Variants in SUGCT observed in about 807,000 individuals in gnomAD.
SUGCT encodes the protein succinyl-CoA:glutarate CoA-transferase.
A neutral mutation model predicts 55.0 loss-of-function variants in SUGCT; 41 were observed. The ratio of observed to expected loss-of-function variants is 0.74; its 90% CI spans 0.58 to 0.97. The LOEUF (loss-of-function observed/expected upper bound fraction) is 0.97. Ranked by LOEUF, SUGCT falls within the 50% of genes least tolerant of loss-of-function variation. SUGCT has a pLI of 0.00. For missense variants in SUGCT, 568 were observed against 547.8 expected (o/e 1.04, Z -0.37); for synonymous variants, 187 against 200.4 (o/e 0.93, Z 0.56).
chr7:40,423,355 G>C (rs13245561), intron 9 of SUGCT, among the ~76,000 whole-genome samples: 14,895 of 152,120 alleles, frequency 0.098, 896 homozygotes, highest in Non-Finnish European at 0.15. Context: ...ATGTCAAACT[G>C]TCTGAAATCA....
the SUGCT span, among the ~76,000 whole-genome samples, chr7:41,014,741 T>C: frequency 6.6e-6 from 1 of 152,242 alleles, no homozygotes; most frequent in East Asian, 1.9e-4. Context: ...CAACATAAGA[T>C]CCCTAAGAAA....
chr7:40,843,932 C>G (rs1793418234), intron 13 of SUGCT, among the ~76,000 whole-genome samples: 1 of 152,052 alleles, frequency 6.6e-6, no homozygotes, highest in Non-Finnish European at 1.5e-5. Flanking sequence ...TTCCCTTGAC[C>G]TCTTTGCAAG....
At chr7:40,555,254 G>A (rs1583972627) in intron 12 of SUGCT, among the ~76,000 whole-genome samples, 1 of 151,432 alleles carries the variant, frequency 6.6e-6, no homozygotes, top group African/African-American at 2.4e-5. Context: ...GTCAGCTCTC[G>A]ATGGTCCAGG....
chr7:40,499,187 A>G lies in SUGCT; in HGVS notation c.1089+2801A>G, dbSNP rs1259987618. Reference sequence around the variant, plus strand: ...TTCAACTGGAAATTGCTTTGGGTGAAGTACAAGGCCTGGAACATGGCGTAG... The same window carrying G: ...TTCAACTGGAAATTGCTTTGGGTGAGGTACAAGGCCTGGAACATGGCGTAG... On this transcript the variant is annotated intron_variant, in intron 12 of 13. Coordinates refer to ENST00000335693, the MANE Select transcript of SUGCT (RefSeq NM_001193313.2). 2.4e-5 allele frequency: 11 copies of G among 453,780 alleles called. No individual in the cohort carries two copies. The Admixed American group carries it at 2.6e-4, about 11-fold the overall frequency. 28.1% of individuals were successfully genotyped at this position (453,780 alleles called of 1,614,324 possible).
At chr7:40,525,725 G>A (rs998398968) in intron 12 of SUGCT, among the ~76,000 whole-genome samples, 1 of 152,056 alleles carries the variant, frequency 6.6e-6, no homozygotes, top group Admixed American at 6.5e-5. Flanking sequence ...CTAAATAAAG[G>A]GATCAAAAAG....
intron 9 of SUGCT, among the ~76,000 whole-genome samples, chr7:40,389,496 T>A (rs969545309): frequency 2.9e-5 from 4 of 139,470 alleles, no homozygotes; most frequent in African/African-American, 5.4e-5. Flanking sequence ...TTACCGAACA[T>A]ATACCTTACT....
At chr7:40,762,187 A>C (rs1446433749) in intron 13 of SUGCT, among the ~76,000 whole-genome samples, 1 of 152,252 alleles carries the variant, frequency 6.6e-6, no homozygotes, top group East Asian at 1.9e-4. Flanking sequence ...CTATCCTGGG[A>C]TCTAAAGAAA....
At chr7:40,354,227 T>C (rs1797778314) in intron 9 of SUGCT, among the ~76,000 whole-genome samples, 1 of 152,010 alleles carries the variant, frequency 6.6e-6, no homozygotes, top group Non-Finnish European at 1.5e-5. Flanking sequence ...GTGAGGTGGA[T>C]TTATTGGTTG....
At chr7:40,181,708 T>C (rs1785220597) in intron 2 of SUGCT, among the ~76,000 whole-genome samples, 1 of 148,926 alleles carries the variant, frequency 6.7e-6, no homozygotes, top group Non-Finnish European at 1.5e-5. Flanking sequence ...ATAGTGCCAC[T>C]GCACTCCAGC....
chr7:41,034,461 C>A, the SUGCT span, among the ~76,000 whole-genome samples: 10 of 152,132 alleles, frequency 6.6e-5, no homozygotes, highest in Non-Finnish European at 1.5e-4. Flanking sequence ...GACCATGGAG[C>A]ATTTGGACCC....
chr7:40,503,137 A>C lies in SUGCT; in HGVS notation c.1089+6751A>C, dbSNP rs1012145399. On this transcript the variant is annotated intron_variant, in intron 12 of 13. Coordinates refer to ENST00000335693, the MANE Select transcript of SUGCT (RefSeq NM_001193313.2). ...TTTTTTTGAGGGAGTTGAAAAGAAA[A>C]ATCCGAGGCCTAGATACAGAAAACT... is the stretch of plus-strand genomic sequence containing the variant. 8.5e-5 allele frequency among the ~76,000 whole-genome samples: 13 copies of C among 152,236 alleles called. No homozygotes were observed. In the East Asian group the frequency reaches 2.5e-3, roughly 29 times the overall value.
intron 12 of SUGCT, among the ~76,000 whole-genome samples, chr7:40,588,408 A>G (rs1018774313): frequency 6.6e-6 from 1 of 152,132 alleles, no homozygotes; most frequent in African/African-American, 2.4e-5. Flanking sequence ...ATAGATTAGT[A>G]TAATTTTTAG....
chr7:40,571,751 A>G (rs1057428249), intron 12 of SUGCT, among the ~76,000 whole-genome samples: 1 of 152,196 alleles, frequency 6.6e-6, no homozygotes, highest in Non-Finnish European at 1.5e-5. Flanking sequence ...AAAAGCTTTT[A>G]TCAGGCACCA....
At chr7:40,617,088 G>C (rs1799038354) in intron 12 of SUGCT, among the ~76,000 whole-genome samples, 1 of 150,562 alleles carries the variant, frequency 6.6e-6, no homozygotes, top group South Asian at 2.1e-4. Flanking sequence ...TTTTCTTCTT[G>C]TTTAATATTT....
chr7:40,811,452 T>C (rs574798829), intron 13 of SUGCT, among the ~76,000 whole-genome samples: 1 of 152,172 alleles, frequency 6.6e-6, no homozygotes, highest in African/African-American at 2.4e-5. Context: ...TTAGCACTGT[T>C]TTATAGTTCT....
chr7:40,158,038 C>A (rs1395156779), intron 1 of SUGCT, among the ~76,000 whole-genome samples: 1 of 151,906 alleles, frequency 6.6e-6, no homozygotes, highest in Admixed American at 6.6e-5. Flanking sequence ...GGAATCCCGT[C>A]TTTATTAAAA....
chr7:40,904,256 G>C, the SUGCT span, among the ~76,000 whole-genome samples: 3,484 of 152,248 alleles, frequency 0.023, 135 homozygotes, highest in African/African-American at 0.08. Flanking sequence ...GGACGCCAGG[G>C]AGGCTGTTTA....
At chr7:40,206,548 AT>A (rs1786985328) in intron 6 of SUGCT, among the ~76,000 whole-genome samples, 1 of 152,224 alleles carries the variant, frequency 6.6e-6, no homozygotes, top group Admixed American at 6.5e-5. Context: ...CAAGTGAAAA[AT>A]ATCAAAGTTT....
intron 9 of SUGCT, among the ~76,000 whole-genome samples, chr7:40,435,073 C>T (rs1390163063): frequency 6.6e-6 from 1 of 152,110 alleles, no homozygotes; most frequent in East Asian, 1.9e-4. Flanking sequence ...TGTACAGGAA[C>T]CCAAATTTGG....
Sources: allele counts gnomAD v4.1 joint callset (sites outside exome capture counted in the v4.1 genomes callset), GRCh38; gene constraint gnomAD v4.1.1; transcripts MANE v1.5; gene names NCBI Gene and HGNC (gene_info 2026-07-23, HGNC 2026-07-21).